The following LSR variants were observed in gnomAD, a reference collection of about 807,000 sequenced individuals.
LSR encodes the protein lipolysis stimulated lipoprotein receptor, also known as lipolysis-stimulated lipoprotein receptor.
LSR carries 44 observed loss-of-function variants against 61.8 expected under a neutral mutation model. The observed-to-expected ratio is 0.71, with a 90% CI of 0.56 to 0.91. The LOEUF (loss-of-function observed/expected upper bound fraction) is 0.91, where lower values mean the gene tolerates loss of function less well. Among genes scored for constraint, LSR ranks in the 40% least tolerant of loss-of-function variants. LSR has a pLI of 0.00. For synonymous variants in LSR, 397 were observed against 350.6 expected (o/e 1.13, Z -1.48); for missense variants, 911 against 830.5 (o/e 1.10, Z -1.19).
At chr19:35,249,919 G>A (rs1442509193) in intron 1 of LSR, among the ~76,000 whole-genome samples, 1 of 152,136 alleles carries the variant, frequency 6.6e-6, no homozygotes, top group Non-Finnish European at 1.5e-5. Context: ...ATCCTTCGTA[G>A]TCGGTTTTGA....
chr19:35,261,189 C>T (rs376631755), intron 3 of LSR, among the ~76,000 whole-genome samples: 6 of 152,186 alleles, frequency 3.9e-5, no homozygotes, highest in Non-Finnish European at 7.4e-5. Context: ...CTCTGAGATG[C>T]GTGAATGTGA....
In LSR at chr19:35,250,420, C is replaced by T. The variant is rs370997772; in HGVS notation, c.215C>T (p.Thr72Met). 84 of 1,614,028 alleles carry T rather than the reference C, an allele frequency of 5.2e-5. No individual in the cohort carries two copies. Among genetic ancestry groups the T allele is most frequent in the East Asian group, 6.7e-5 (3 of 44,876 alleles). Residue 72 changes from threonine (T) to methionine (M), a missense_variant, in exon 2 of 10, where the codon ACG becomes ATG. Physicochemically the swap from Thr to Met is moderately conservative, Grantham distance 81. Coordinates refer to ENST00000605618, the MANE Select transcript of LSR (RefSeq NM_205834.4). ...PCTYQMTSTP[T>M]QPIVIWKYKS... is the part of the protein sequence containing the mutation. The stretch of plus-strand genomic sequence containing the variant: ...ACCTACCAGATGACCTCGACCCCCA[C>T]GCAACCCATCGTCATCTGGAAGTAC...
chr19:35,252,676 G>T (rs1432626265), intron 2 of LSR, among the ~76,000 whole-genome samples: 2 of 145,910 alleles, frequency 1.4e-5, no homozygotes, highest in African/African-American at 5.0e-5. Flanking sequence ...AAAAGACTCC[G>T]TCAAGGTATA....
At position 35,266,820 on chromosome 19, in the gene LSR, A is replaced by G; in HGVS notation, c.1013-16A>G. On this transcript the variant is annotated splice_polypyrimidine_tract_variant and intron_variant, in intron 7 of 9. Coordinates refer to ENST00000605618, the MANE Select transcript of LSR (RefSeq NM_205834.4). ...GATCCATCCTCCCAAACCGACCACCACCCCCCTGTCCCTAGAAGTCCGCAG... is the reference window on the plus strand; with the variant it reads ...GATCCATCCTCCCAAACCGACCACCGCCCCCCTGTCCCTAGAAGTCCGCAG... The G allele has an allele frequency of 6.2e-7, 1 of 1,605,166 alleles. No homozygotes were observed. The highest frequency in any genetic ancestry group is 1.1e-5 in the South Asian group (1 of 89,874).
At chr19:35,251,840 G>GTTTTTTTTTTTTTTTTTTTTT (rs1339584339) in intron 2 of LSR, 7 of 120,542 alleles carry the variant, frequency 5.8e-5, no homozygotes, top group African/African-American at 9.5e-5. Flanking sequence ...TGAGAACCTT[G>GTTTTTTTTTTTTTTTTTTTTT]TTCTTTTTTT....
chr19:35,259,142 C>T (rs970868661), intron 3 of LSR, 78 bp downstream of exon 3: 5 of 1,532,754 alleles, frequency 3.3e-6, no homozygotes, highest in Admixed American at 3.6e-5. Flanking sequence ...CCTGTGTCCG[C>T]CCTCTGCCCT....
intron 2 of LSR, among the ~76,000 whole-genome samples, chr19:35,254,371 C>T (rs1431797238): frequency 6.6e-6 from 1 of 152,218 alleles, no homozygotes; most frequent in Non-Finnish European, 1.5e-5. Flanking sequence ...TCTGGGATTA[C>T]AGATGTGAGC....
In LSR at chr19:35,266,686, C is replaced by A; in HGVS notation, c.960C>A (p.Gly320=). Residue 320 remains glycine (G), a synonymous_variant, in exon 7 of 10, where the codon GGC becomes GGA. Coordinates refer to ENST00000605618, the MANE Select transcript of LSR (RefSeq NM_205834.4). The part of the protein sequence containing the change: ...GDVDRSSSAG[G]QGSYVPLLRD... Reference sequence around the variant, plus strand: ...ACAGCCACTCTCCCCCAGCTGGTGGCCAAGGCTCCTATGTACCCCTGCTTC... The same window carrying A: ...ACAGCCACTCTCCCCCAGCTGGTGGACAAGGCTCCTATGTACCCCTGCTTC... The A allele has an allele frequency of 6.2e-7, 1 of 1,608,548 alleles. No homozygotes were observed. The highest frequency in any genetic ancestry group is 8.5e-7 in the Non-Finnish European group (1 of 1,177,872).
At position 35,259,090 on chromosome 19, in the gene LSR, C is replaced by A. The variant is rs376596449; in HGVS notation, c.574+26C>A. The A allele has an allele frequency of 1.2e-4, 198 of 1,605,236 alleles. No individual in the cohort carries two copies. In the African/African-American group the frequency reaches 2.5e-3, roughly 20 times the overall value. ...GTGAGTGGGCCTGGGAAGGGGGAGG[C>A]ATGGCCCTTCCTTTTGTCCGCTTCT... On this transcript the variant is annotated intron_variant, in intron 3 of 9. Transcript: ENST00000605618.
At chr19:35,258,251 A>G (rs2065879136) in intron 2 of LSR, among the ~76,000 whole-genome samples, 1 of 152,014 alleles carries the variant, frequency 6.6e-6, no homozygotes, top group Non-Finnish European at 1.5e-5. Context: ...TTCAAAACCA[A>G]CTTGGTCAAC....
chr19:35,262,819 G>A, intron 5 of LSR, 127 bp downstream of exon 5: 1 of 1,167,578 alleles, frequency 8.6e-7, no homozygotes, highest in Non-Finnish European at 1.2e-6. Context: ...CCAGTGGGGA[G>A]AAAGTAGGCT....
At chr19:35,249,296 T>C in intron 1 of LSR, 165 bp downstream of exon 1, 1 of 805,412 alleles carries the variant, frequency 1.2e-6, no homozygotes, top group Non-Finnish European at 1.8e-6. Flanking sequence ...GTGAGAGGAA[T>C]TCCCCATTTG....
chr19:35,266,393 TCCCAGCATTTATGCC>T lies in LSR; in HGVS notation c.821_835del (p.Ile274_Ser278del). On this transcript the variant is annotated inframe_deletion, in exon 6 of 10. Coordinates refer to ENST00000605618, the MANE Select transcript of LSR (RefSeq NM_205834.4). ...CCGGCAAAGCAGCCACCTCAGGTGT[TCCCAGCATTTATGCC>T]CCCAGCACCTATGCCCACCTGTCTC... 6.2e-7 allele frequency: 1 copy of T among 1,601,578 alleles called. No individual in the cohort carries two copies. The highest frequency in any genetic ancestry group is 8.5e-7 in the Non-Finnish European group (1 of 1,174,146).
intron 2 of LSR, among the ~76,000 whole-genome samples, chr19:35,255,813 T>C (rs568596837): frequency 2.0e-5 from 3 of 152,328 alleles, no homozygotes; most frequent in African/African-American, 4.8e-5. Context: ...ATATGTGACA[T>C]AGTTAACATT....
rs533706510 is a variant in LSR at position 35,258,631 on chromosome 19, C to G, written c.455-314C>G. 2.0e-5 allele frequency among the ~76,000 whole-genome samples: 3 copies of G among 151,998 alleles called. No homozygotes were observed. In the East Asian group the frequency reaches 5.8e-4, roughly 29 times the overall value. On this transcript the variant is annotated intron_variant, in intron 2 of 9. Transcript: ENST00000605618. The stretch of plus-strand genomic sequence containing the variant: ...AAAGAAAGAAAAAAAAAAACAACCT[C>G]AGGCTCCGAGGGCACCATTACTGCT...
At chr19:35,256,804 G>A (rs906060377) in intron 2 of LSR, among the ~76,000 whole-genome samples, 7 of 152,090 alleles carry the variant, frequency 4.6e-5, no homozygotes, top group African/African-American at 1.7e-4. Context: ...AAAGCTAAGG[G>A]ACTTTAGCAT....
chr19:35,260,260 A>C (rs2145521484), intron 3 of LSR, among the ~76,000 whole-genome samples: 1 of 150,570 alleles, frequency 6.6e-6, no homozygotes, highest in Admixed American at 6.6e-5. Context: ...CTGTTGCTTA[A>C]CATATTAGGA....
rs1487282823 is a variant in LSR, at chr19:35,262,883, T to TTTTATTTATG, written c.778+194_778+203dup. On this transcript the variant is annotated intron_variant, in intron 5 of 9. Coordinates refer to ENST00000605618, the MANE Select transcript of LSR (RefSeq NM_205834.4). ...TTACTTCCTCCAACTTTTAGTTTATTTTTATTTATGTTGTTCTTTTCTTTT... is the reference window on the plus strand; with the variant it reads ...TTACTTCCTCCAACTTTTAGTTTATTTTTATTTATGTTTATTTATGTTGTTCTTTTCTTTT... 7.7e-5 allele frequency: 48 copies of TTTTATTTATG among 622,670 alleles called. No individual in the cohort carries two copies. The Admixed American group carries it at 1.3e-3, about 17-fold the overall frequency. 38.6% of individuals were successfully genotyped at this position (622,670 alleles called of 1,614,324 possible).
intron 1 of LSR, 100 bp downstream of exon 1, chr19:35,249,231 CAG>C: frequency 7.1e-7 from 1 of 1,417,564 alleles, no homozygotes; most frequent in Non-Finnish European, 9.4e-7. Context: ...GCGGGGGTCT[CAG>C]AGGCTGGGAC....
Sources: allele counts gnomAD v4.1 joint callset (sites outside exome capture counted in the v4.1 genomes callset), GRCh38; gene constraint gnomAD v4.1.1; transcripts MANE v1.5; gene names NCBI Gene and HGNC (gene_info 2026-07-23, HGNC 2026-07-21).